The following TPRA1 variants were observed in gnomAD, a reference collection of about 807,000 sequenced individuals.
The protein encoded by TPRA1 is transmembrane protein adipocyte associated 1, also known as transmembrane protein adipocyte-associated 1.
TPRA1 carries 28 observed loss-of-function variants against 40.1 expected under a neutral mutation model. That is an observed-to-expected ratio of 0.70 (90% CI 0.52 to 0.96). The LOEUF is 0.96. Ranked by LOEUF, TPRA1 falls within the 40% of genes least tolerant of loss-of-function variation. The pLI is 0.00. For synonymous variants in TPRA1, 219 were observed against 209.7 expected (o/e 1.04, Z -0.38); for missense variants, 441 against 482.6 (o/e 0.91, Z 0.81).
upstream of TPRA1, chr3:127,594,793 GT>G: frequency 6.6e-6 from 1 of 152,446 alleles, no homozygotes; most frequent in Non-Finnish European, 1.5e-5. Flanking sequence ...TGGGTCAGAT[GT>G]AGTACCTGGA....
At position 127,573,786 on chromosome 3, in the gene TPRA1, G is replaced by A. The variant is rs1397075671; in HGVS notation, c.857C>T (p.Ser286Leu). 3.4e-5 allele frequency: 53 copies of A among 1,559,766 alleles called. No homozygotes were observed. Among genetic ancestry groups the A allele is most frequent in the Non-Finnish European group, 4.2e-5 (48 of 1,148,172 alleles). ...YVAFLRGFFG[S>L]EPKILFSYKC... Reference sequence around the variant, plus strand: ...GTAGGAGAAGAGGATCTTGGGCTCCGAGCTGATAAAAGGAAAAGAGGGGCA... The same window carrying A: ...GTAGGAGAAGAGGATCTTGGGCTCCAAGCTGATAAAAGGAAAAGAGGGGCA... The change falls in exon 11 of 11, where the codon TCG becomes TTG. Residue 286 changes from serine (S) to leucine (L), a missense_variant and splice_region_variant. Coordinates refer to ENST00000355552, the MANE Select transcript of TPRA1 (RefSeq NM_001136053.4).
At chr3:127,575,717 G>C (rs1436617710) in intron 8 of TPRA1, 32 bp downstream of exon 8, 34 of 1,611,010 alleles carry the variant, frequency 2.1e-5, no homozygotes, top group Non-Finnish European at 2.8e-5. Flanking sequence ...TCCCATCCCC[G>C]CCTGTCCCAG....
chr3:127,573,619 C>T lies in TPRA1; in HGVS notation c.1024G>A (p.Gly342Ser), dbSNP rs541748864. ...SYSSTQFDSA[G>S]GVAYLDDIAS... ...ATGTCATCCAGGTAGGCCACCCCGCCGGCAGAGTCGAACTGCGTGCTCGAG... is the reference window on the plus strand; with the variant it reads ...ATGTCATCCAGGTAGGCCACCCCGCTGGCAGAGTCGAACTGCGTGCTCGAG... The change falls in exon 11 of 11, where the codon GGC becomes AGC. Residue 342 changes from glycine (G) to serine (S), a missense_variant. Gly to Ser is a moderately conservative substitution (Grantham distance 56). Coordinates refer to ENST00000355552, the MANE Select transcript of TPRA1 (RefSeq NM_001136053.4). 11 of 1,613,268 alleles carry T rather than the reference C, an allele frequency of 6.8e-6. No homozygotes were observed. The highest frequency in any genetic ancestry group is 3.3e-4 in the Middle Eastern group (2 of 6,062).
upstream of TPRA1, among the ~76,000 whole-genome samples, chr3:127,591,413 C>T (rs919246243): frequency 2.6e-5 from 4 of 152,210 alleles, no homozygotes; most frequent in African/African-American, 9.7e-5. Context: ...ACAGCCAGGA[C>T]GCCTCTCCCC....
intron 1 of TPRA1, among the ~76,000 whole-genome samples, chr3:127,586,794 G>A (rs754608282): frequency 1.3e-5 from 2 of 152,226 alleles, no homozygotes; most frequent in Non-Finnish European, 2.9e-5. Context: ...CAGGCACCCA[G>A]CAGTCACCAG....
intron 1 of TPRA1, among the ~76,000 whole-genome samples, chr3:127,587,805 T>C: frequency 6.6e-6 from 1 of 151,714 alleles, no homozygotes; most frequent in East Asian, 1.9e-4. Context: ...GCCTCCCAAG[T>C]TGCTGGGATT....
chr3:127,587,551 T>C (rs2074036226), intron 1 of TPRA1, among the ~76,000 whole-genome samples: 1 of 151,900 alleles, frequency 6.6e-6, no homozygotes, highest in Admixed American at 6.6e-5. Flanking sequence ...CTGGGGTGAG[T>C]CACTCCCCCT....
At position 127,575,346 on chromosome 3, in the gene TPRA1, C is replaced by T. The variant is rs753335268; in HGVS notation, c.773+57G>A. On this transcript the variant is annotated intron_variant, in intron 9 of 10. Coordinates refer to ENST00000355552, the MANE Select transcript of TPRA1 (RefSeq NM_001136053.4). ...TCCCCATGCCCCCAGCGGGTGGACA[C>T]CCTGCCGCCCACTTCCCATGCCCCC... is the stretch of plus-strand genomic sequence containing the variant. 2.9e-5 allele frequency: 46 copies of T among 1,574,312 alleles called. 1 individual carries two copies. The South Asian group carries it at 4.9e-4, about 17-fold the overall frequency.
chr3:127,576,597 GC>G lies in TPRA1; in HGVS notation c.498+19del, dbSNP rs1559834793. On this transcript the variant is annotated intron_variant, in intron 6 of 10. Transcript: ENST00000355552. This position sits in a 1 kb window ranked among gnomAD's most constrained non-coding sequence, Gnocchi z 4.6. Reference sequence around the variant, plus strand: ...GGTGCCCTGACTCCTAGCGTCCCCTGCCCACACTCACCCTCTTACCTGGGTG... The same window carrying G: ...GGTGCCCTGACTCCTAGCGTCCCCTGCCACACTCACCCTCTTACCTGGGTG... 9 of 1,575,130 alleles carry G rather than the reference GC, an allele frequency of 5.7e-6. No homozygotes were observed. The South Asian group carries it at 1.0e-4, about 18-fold the overall frequency.
upstream of TPRA1, among the ~76,000 whole-genome samples, chr3:127,593,663 G>T (rs1169253584): frequency 2.6e-5 from 4 of 152,144 alleles, no homozygotes; most frequent in African/African-American, 9.7e-5. Context: ...AAGACGTGTG[G>T]AGGGTATCCC....
chr3:127,598,171 G>T lies in TPRA1; in HGVS notation c.-555C>A, dbSNP rs560051207. ...GTCACGCAGCCAGCAAGTGTCGTCG[G>T]GTCCCCTGGAGCCTCAGCTTCTACC... On this transcript the variant is annotated 5_prime_UTR_variant, in exon 1 of 4. Coordinates refer to the TPRA1 transcript ENST00000462228. 3 of 514,916 alleles carry T rather than the reference G, an allele frequency of 5.8e-6. No individual in the cohort carries two copies. In the Admixed American group the frequency reaches 1.0e-4, roughly 18 times the overall value. The allele number at this position is 514,916 out of a possible 1,614,324, so 31.9% of individuals were successfully genotyped here. A position where few individuals can be genotyped will look rare whatever the true frequency, so the allele number is the denominator to read the frequency against.
At chr3:127,597,046 G>A (rs1404257784) in intron 1 of TPRA1, among the ~76,000 whole-genome samples, 1 of 152,060 alleles carries the variant, frequency 6.6e-6, no homozygotes, top group Non-Finnish European at 1.5e-5. Flanking sequence ...AACTTGGGAG[G>A]TGGAGGTTGC....
intron 1 of TPRA1, among the ~76,000 whole-genome samples, chr3:127,589,663 GCTCTCCCCCAGCTCTCTCCTGACACCTC>G (rs1395472885): frequency 3.3e-5 from 5 of 152,036 alleles, no homozygotes; most frequent in Non-Finnish European, 7.4e-5. Flanking sequence ...CTTTGGGCTG[GCTCTCCCCCAGCTCTCTCCTGACACCTC>G]CTCTGAGAAG....
rs1230598777 is a variant in TPRA1 at position 127,572,506 on chromosome 3, T to C, written c.*1015A>G. Among the ~76,000 whole-genome samples, 1 of 152,220 alleles carries C rather than the reference T, an allele frequency of 6.6e-6. No individual in the cohort carries two copies. The highest frequency in any genetic ancestry group is 2.4e-5 in the African/African-American group (1 of 41,452). ...TTATGATCCCAGTGCTTTGCTCTGA[T>C]TTACTCCCATTTTCAGCCAACCACA... On this transcript the variant is annotated 3_prime_UTR_variant, in exon 11 of 11. Transcript: ENST00000355552.
At chr3:127,587,071 C>T (rs1285759967) in intron 1 of TPRA1, 2 of 152,220 alleles carry the variant, frequency 1.3e-5, no homozygotes, top group Admixed American at 1.3e-4. Flanking sequence ...TGATCTAAGT[C>T]TGGCTAGTCA....
chr3:127,575,339 G>A (rs1489482515), intron 9 of TPRA1, 64 bp downstream of exon 9: 2 of 1,579,662 alleles, frequency 1.3e-6, no homozygotes, highest in Admixed American at 1.9e-5. Context: ...CCCCCAGCGG[G>A]TGGACACCCT....
chr3:127,589,939 A>C (rs2074117881), intron 1 of TPRA1, among the ~76,000 whole-genome samples: 1 of 152,198 alleles, frequency 6.6e-6, no homozygotes, highest in South Asian at 2.1e-4. Flanking sequence ...CCCCACCTGC[A>C]TTCCCCGAGT....
chr3:127,576,421 G>A lies in TPRA1; in HGVS notation c.498+196C>T, dbSNP rs181016013. Among the ~76,000 whole-genome samples the A allele has an allele frequency of 2.9e-3, 449 of 152,278 alleles. 9 individuals carry two copies. Among genetic ancestry groups the A allele is most frequent in the Non-Finnish European group, 9.1e-4 (62 of 68,024 alleles). On this transcript the variant is annotated intron_variant, in intron 6 of 10. Coordinates refer to ENST00000355552, the MANE Select transcript of TPRA1 (RefSeq NM_001136053.4). This position sits in a 1 kb window ranked among gnomAD's most constrained non-coding sequence, Gnocchi z 4.6. Reference sequence around the variant, plus strand: ...CAAGTCCTGAGCCTCCCATCCTGGCGCCCTGGCCCACTGGATCCAAATCTC... The same window carrying A: ...CAAGTCCTGAGCCTCCCATCCTGGCACCCTGGCCCACTGGATCCAAATCTC...
intron 1 of TPRA1, among the ~76,000 whole-genome samples, chr3:127,583,431 G>A (rs554417688): frequency 2.0e-5 from 3 of 152,266 alleles, no homozygotes; most frequent in Non-Finnish European, 4.4e-5. Context: ...CCAGGAGTTC[G>A]AGGCTGCAGT....
Sources: gnomAD v4.1 joint callset for allele counts (sites outside exome capture counted in the v4.1 genomes callset) on GRCh38, gnomAD v4.1.1 for gene constraint, Gnocchi (gnomAD v3.1) non-coding constraint, MANE v1.5 for transcripts, NCBI Gene and HGNC (gene_info 2026-07-23, HGNC 2026-07-21) for gene names.